MDGA1: variants seen among roughly 807,000 people sequenced by gnomAD.
MDGA1 encodes the protein MAM domain-containing glycosylphosphatidylinositol anchor protein 1.
Under a neutral mutation model 101.5 loss-of-function variants are expected in MDGA1, and 54 were observed. The ratio of observed to expected loss-of-function variants is 0.53; its 90% CI spans 0.43 to 0.67. The LOEUF (loss-of-function observed/expected upper bound fraction) is 0.67. Among genes scored for constraint, MDGA1 ranks in the 30% least tolerant of loss-of-function variants. The probability of loss-of-function intolerance (pLI) is 0.00; values close to 1 mark genes in which losing one functional copy is unlikely to be tolerated. For missense variants in MDGA1, 1,083 were observed against 1,323.8 expected (o/e 0.82, Z 2.82); for synonymous variants, 533 against 558.3 (o/e 0.95, Z 0.64).
At chr6:37,644,057 GCATCCTGCCTCACCCCA>G (rs1764160403) in intron 13 of MDGA1, 114 bp from the exon 14 acceptor site, 1 of 1,326,994 alleles carries the variant, frequency 7.5e-7, no homozygotes, top group African/African-American at 1.6e-5. Context: ...CTCGCCCCAC[GCATCCTGCCTCACCCCA>G]CGCATCCTGC....
intron 1 of MDGA1, among the ~76,000 whole-genome samples, chr6:37,680,828 C>T (rs568081075): frequency 2.6e-5 from 4 of 152,246 alleles, no homozygotes; most frequent in African/African-American, 2.4e-5. Context: ...AGCGGGTGAG[C>T]GCACGCCTGG....
rs572643594 is a variant in MDGA1 at position 37,690,029 on chromosome 6, G to C, written c.67+6716C>G. 3.3e-5 allele frequency among the ~76,000 whole-genome samples: 5 copies of C among 152,176 alleles called. No individual in the cohort carries two copies. In the East Asian group the frequency reaches 5.8e-4, roughly 18 times the overall value. On this transcript the variant is annotated intron_variant, in intron 1 of 16. Coordinates refer to ENST00000434837, the MANE Select transcript of MDGA1 (RefSeq NM_153487.4). ...CCAGAATCCTTTCATAGCCTTCAAG[G>C]CTCCAAATGATTGGACCTACTAACT...
chr6:37,673,257 T>C (rs1315167603), intron 1 of MDGA1, among the ~76,000 whole-genome samples: 1 of 152,186 alleles, frequency 6.6e-6, no homozygotes, highest in Non-Finnish European at 1.5e-5. Context: ...ACATTCCTGG[T>C]GGGACCGATG....
At chr6:37,657,723 A>C (rs1761523721) in intron 3 of MDGA1, among the ~76,000 whole-genome samples, 1 of 152,216 alleles carries the variant, frequency 6.6e-6, no homozygotes, top group South Asian at 2.1e-4. Flanking sequence ...TCCTCGGGCT[A>C]AAGGATTACC....
Position 37,694,039 on chromosome 6 carries a change from C to T in MDGA1, c.67+2706G>A, listed in dbSNP as rs1209424310. Among the ~76,000 whole-genome samples, 5 of 152,212 alleles carry T rather than the reference C, an allele frequency of 3.3e-5. No homozygotes were observed. The East Asian group carries it at 5.8e-4, about 18-fold the overall frequency. On this transcript the variant is annotated intron_variant, in intron 1 of 16. Transcript: ENST00000434837. ...AGCCTAGGCCGAATGCCGTCAGGTT[C>T]GCTCTCCACCGCCTGCTCGTCTTCC...
rs377514300 is a variant in MDGA1 at position 37,645,977 on chromosome 6, A to C, written c.2225-21T>G. The C allele has an allele frequency of 3.8e-4, 618 of 1,613,866 alleles. 1 individual carries two copies. The highest frequency in any genetic ancestry group is 4.9e-4 in the Non-Finnish European group (582 of 1,179,878). On this transcript the variant is annotated intron_variant, in intron 11 of 16. Coordinates refer to ENST00000434837, the MANE Select transcript of MDGA1 (RefSeq NM_153487.4). ...GATGGCTGAGAAAGCAAGCGGGGAA[A>C]CCAAGTCAGAACTGAGGTGTGGGGC... is the stretch of plus-strand genomic sequence containing the variant.
intron 1 of MDGA1, among the ~76,000 whole-genome samples, chr6:37,668,084 C>A (rs979610898): frequency 1.3e-5 from 2 of 151,872 alleles, no homozygotes; most frequent in African/African-American, 4.8e-5. Flanking sequence ...GGCTCTGTCT[C>A]TACAAAAACT....
At chr6:37,691,429 A>G (rs1439105001) in intron 1 of MDGA1, among the ~76,000 whole-genome samples, 5 of 152,202 alleles carry the variant, frequency 3.3e-5, no homozygotes, top group Admixed American at 6.5e-5. Context: ...TGGCACTTAC[A>G]CACTTATAAG....
intron 1 of MDGA1, among the ~76,000 whole-genome samples, chr6:37,680,795 C>T (rs1190201982): frequency 6.6e-6 from 1 of 152,272 alleles, no homozygotes; most frequent in African/African-American, 2.4e-5. Context: ...GCACCCAGCC[C>T]AGCCCAGATC....
chr6:37,638,654 G>A lies in MDGA1; in HGVS notation c.2550C>T (p.Leu850=), dbSNP rs2113994015. 4 of 1,613,348 alleles carry A rather than the reference G, an allele frequency of 2.5e-6. No individual in the cohort carries two copies. Among genetic ancestry groups the A allele is most frequent in the Non-Finnish European group, 3.4e-6 (4 of 1,179,638 alleles). Residue 850 remains leucine, a synonymous_variant, in exon 15 of 17, where the codon CTC becomes CTT. Coordinates refer to ENST00000434837, the MANE Select transcript of MDGA1 (RefSeq NM_153487.4). This position sits in a 1 kb window ranked among gnomAD's most constrained non-coding sequence, Gnocchi z 4.8. ...CCCCTTTGTTCCGGGACCGCACCAG[G>A]AGGTTGAGGGAGCCTGCGGTGGGTG... ...MYGKHIGSLN[L]LVRSRNKGAL...
chr6:37,682,323 A>G (rs1390891239), intron 1 of MDGA1, among the ~76,000 whole-genome samples: 1 of 152,228 alleles, frequency 6.6e-6, no homozygotes, highest in Non-Finnish European at 1.5e-5. Context: ...GGTCTCTACT[A>G]GAAATACAAA....
chr6:37,669,547 GTTTC>G (rs1761827063), intron 1 of MDGA1, among the ~76,000 whole-genome samples: 1 of 152,128 alleles, frequency 6.6e-6, no homozygotes, highest in Non-Finnish European at 1.5e-5. Context: ...CCCCCACTGA[GTTTC>G]TTTAACATGA....
At chr6:37,683,351 A>G (rs576611893) in intron 1 of MDGA1, among the ~76,000 whole-genome samples, 271 of 152,300 alleles carry the variant, frequency 1.8e-3, no homozygotes, top group African/African-American at 6.4e-3. Flanking sequence ...GCAGCCCTGA[A>G]CATGAGATCT....
At chr6:37,669,758 C>T (rs144182218) in intron 1 of MDGA1, among the ~76,000 whole-genome samples, 250 of 152,320 alleles carry the variant, frequency 1.6e-3, no homozygotes, top group African/African-American at 5.9e-3. Context: ...CACCATGACA[C>T]GATCCTTTCA....
chr6:37,657,874 T>C (rs1761526949), intron 3 of MDGA1, among the ~76,000 whole-genome samples: 1 of 152,180 alleles, frequency 6.6e-6, no homozygotes, highest in Admixed American at 6.5e-5. Context: ...CATGAGGTAC[T>C]GTGGGAAGGG....
Position 37,696,714 on chromosome 6 carries a change from A to C in MDGA1, c.67+31T>G, listed in dbSNP as rs369396353. 6 of 1,559,394 alleles carry C rather than the reference A, an allele frequency of 3.8e-6. No homozygotes were observed. Among genetic ancestry groups the C allele is most frequent in the Non-Finnish European group, 5.2e-6 (6 of 1,150,108 alleles). On this transcript the variant is annotated intron_variant, in intron 1 of 16. Transcript: ENST00000434837. The surrounding 1 kb of genome is among the most constrained non-coding windows in gnomAD (Gnocchi z 5.6). ...CTTGCAAAGTTTCCGCGCGAGGTTA[A>C]GCCAAGGTGGAGCGGGACGCGGGCT...
In MDGA1 at chr6:37,686,563, A is replaced by G. The variant is rs140639298; in HGVS notation, c.67+10182T>C. Among the ~76,000 whole-genome samples the G allele has an allele frequency of 7.2e-3, 1,098 of 151,846 alleles. 9 individuals carry two copies. Among genetic ancestry groups the G allele is most frequent in the African/African-American group, 0.025 (1,048 of 41,380 alleles). ...TGCCTCAGCCTCCCGAGTAGCTGGG[A>G]TTACAGGTGTCCGCCACCACACCTG... On this transcript the variant is annotated intron_variant, in intron 1 of 16. Coordinates refer to ENST00000434837, the MANE Select transcript of MDGA1 (RefSeq NM_153487.4).
In MDGA1 at chr6:37,696,550, A is replaced by G. The variant is rs1638840794; in HGVS notation, c.67+195T>C. Among the ~76,000 whole-genome samples the G allele has an allele frequency of 6.6e-6, 1 of 152,146 alleles. No homozygotes were observed. Among genetic ancestry groups the G allele is most frequent in the African/African-American group, 2.4e-5 (1 of 41,430 alleles). On this transcript the variant is annotated intron_variant, in intron 1 of 16. Transcript: ENST00000434837. The surrounding 1 kb of genome is among the most constrained non-coding windows in gnomAD (Gnocchi z 5.6). Reference sequence around the variant, plus strand: ...CCTCCTGACATCCCGGCTTCCCACCAGACCCTACGACCGGCCCCTGTGTTC... The same window carrying G: ...CCTCCTGACATCCCGGCTTCCCACCGGACCCTACGACCGGCCCCTGTGTTC...
At chr6:37,674,625 A>T (rs1372674844) in intron 1 of MDGA1, among the ~76,000 whole-genome samples, 1 of 152,216 alleles carries the variant, frequency 6.6e-6, no homozygotes, top group Non-Finnish European at 1.5e-5. Context: ...TGGAAGTCTA[A>T]TCTGCACACC....
Sources: allele counts gnomAD v4.1 joint callset (sites outside exome capture counted in the v4.1 genomes callset), GRCh38; gene constraint gnomAD v4.1.1; non-coding constraint Gnocchi (gnomAD v3.1); transcripts MANE v1.5; gene names NCBI Gene and HGNC (gene_info 2026-07-23, HGNC 2026-07-21).